Variants in ZP3 observed in about 807,000 individuals in gnomAD.
The protein encoded by ZP3 is zona pellucida sperm-binding protein 3.
ZP3 carries 21 observed loss-of-function variants against 35.6 expected under a neutral mutation model. The ratio of observed to expected loss-of-function variants is 0.59; its 90% CI spans 0.42 to 0.85. The LOEUF is 0.85. Among genes scored for constraint, ZP3 ranks in the 40% least tolerant of loss-of-function variants. The probability of loss-of-function intolerance (pLI) is 0.00; values close to 1 mark genes in which losing one functional copy is unlikely to be tolerated. For missense variants in ZP3, 437 were observed against 536.5 expected (o/e 0.81, Z 1.83); for synonymous variants, 207 against 214.5 (o/e 0.96, Z 0.31).
intron 1 of ZP3, among the ~76,000 whole-genome samples, chr7:76,405,274 TATATATATATATATATATATATA>T (rs1804964765): frequency 9.4e-4 from 20 of 21,248 alleles, no homozygotes; most frequent in Non-Finnish European, 1.4e-3. Flanking sequence ...CAGCTAATTA[TATATATATATATATATATATATA>T]TATATATATA....
At chr7:76,416,906 GTATACATACATATA>G (rs1190578287) in intron 1 of ZP3, among the ~76,000 whole-genome samples, 137 of 114,930 alleles carry the variant, frequency 1.2e-3, no homozygotes, top group African/African-American at 4.6e-3. Flanking sequence ...ACATACATAT[GTATACATACATATA>G]TATACACATA....
At chr7:76,438,538 G>GGAAAAAAA (rs1554626485) in intron 5 of ZP3, among the ~76,000 whole-genome samples, 290 of 88,452 alleles carry the variant, frequency 3.3e-3, no homozygotes, top group African/African-American at 0.012. Flanking sequence ...CTCCGTCTCA[G>GGAAAAAAA]AAAAAAAAAA....
At chr7:76,398,917 CAA>C (rs941225865) in intron 1 of ZP3, 3 of 954,508 alleles carry the variant, frequency 3.1e-6, no homozygotes, top group East Asian at 5.0e-5. Flanking sequence ...TCTGGCCACA[CAA>C]AGAGTCACAG....
chr7:76,419,529 G>A (rs1239685697), intron 1 of ZP3, among the ~76,000 whole-genome samples: 1 of 152,070 alleles, frequency 6.6e-6, no homozygotes, highest in African/African-American at 2.4e-5. Flanking sequence ...TAACAGCAAT[G>A]TGTCTTAATT....
chr7:76,432,420 A>G (rs1264368232), intron 2 of ZP3, among the ~76,000 whole-genome samples: 2 of 152,016 alleles, frequency 1.3e-5, no homozygotes, highest in African/African-American at 4.8e-5. Flanking sequence ...TCCTGACCTC[A>G]TGATCCGCCC....
intron 2 of ZP3, among the ~76,000 whole-genome samples, chr7:76,431,170 C>G (rs1396403451): frequency 1.6e-4 from 25 of 152,148 alleles, no homozygotes; most frequent in Admixed American, 1.6e-3. Flanking sequence ...ACCGTAGAGG[C>G]TGACTCGCAG....
At chr7:76,407,821 C>T (rs930752434) in intron 1 of ZP3, among the ~76,000 whole-genome samples, 4 of 152,214 alleles carry the variant, frequency 2.6e-5, no homozygotes, top group African/African-American at 9.6e-5. Flanking sequence ...AGAAGCCTCT[C>T]TCACGTCCCC....
intron 1 of ZP3, among the ~76,000 whole-genome samples, chr7:76,416,837 T>C (rs1805381897): frequency 1.3e-5 from 2 of 150,380 alleles, no homozygotes; most frequent in Admixed American, 6.7e-5. Context: ...TACATATACA[T>C]ACATATATAC....
At chr7:76,402,238 G>C (rs1162122727) in intron 1 of ZP3, among the ~76,000 whole-genome samples, 2 of 148,128 alleles carry the variant, frequency 1.4e-5, no homozygotes, top group Non-Finnish European at 3.0e-5. Context: ...GGAGCACAGT[G>C]GCATGATCTC....
chr7:76,433,356 C>T (rs553938821), intron 3 of ZP3, 114 bp from the exon 4 acceptor site: 27 of 1,184,652 alleles, frequency 2.3e-5, no homozygotes, highest in Admixed American at 2.2e-4. Flanking sequence ...GGTTTTGCCA[C>T]GTTGGCTAGG....
At chr7:76,418,893 T>C (rs1336148785) in intron 1 of ZP3, among the ~76,000 whole-genome samples, 2 of 152,094 alleles carry the variant, frequency 1.3e-5, no homozygotes, top group Non-Finnish European at 2.9e-5. Flanking sequence ...CATCTTTGCA[T>C]TGGAGTTATT....
chr7:76,430,233 T>C lies in ZP3; in HGVS notation c.431+600T>C, dbSNP rs1805788507. ...GCAAAAAATAATAATAAAATAGTGC[T>C]AGGCTGCGTTCTAGAATCTGACCTG... On this transcript the variant is annotated intron_variant, in intron 2 of 7. Transcript: ENST00000394857. Among the ~76,000 whole-genome samples, 2 of 152,118 alleles carry C rather than the reference T, an allele frequency of 1.3e-5. 1 individual carries two copies. The highest frequency in any genetic ancestry group is 4.8e-5 in the African/African-American group (2 of 41,444).
chr7:76,437,659 GTA>G (rs1563704396), intron 5 of ZP3, among the ~76,000 whole-genome samples: 2 of 98,092 alleles, frequency 2.0e-5, no homozygotes, highest in African/African-American at 4.2e-5. Context: ...GCTAATTTCT[GTA>G]TTTTTTTTTT....
chr7:76,426,379 G>A (rs1160030583), intron 1 of ZP3, among the ~76,000 whole-genome samples: 1 of 152,198 alleles, frequency 6.6e-6, no homozygotes, highest in African/African-American at 2.4e-5. Context: ...TGGAGGGCCT[G>A]TCCTCTCCCG....
upstream of ZP3, among the ~76,000 whole-genome samples, chr7:76,421,893 TTTG>T (rs141839679): frequency 0.1 from 15,389 of 151,814 alleles, 880 homozygotes; most frequent in Middle Eastern, 0.18. Flanking sequence ...GCAGTAGACT[TTTG>T]TTGTTGTTGT....
chr7:76,421,007 C>T (rs1384039100), upstream of ZP3, among the ~76,000 whole-genome samples: 2 of 151,608 alleles, frequency 1.3e-5, no homozygotes. Flanking sequence ...ACAATCTCAG[C>T]TCACTGCAAC....
intron 5 of ZP3, among the ~76,000 whole-genome samples, chr7:76,436,560 C>A (rs1251394436): frequency 2.0e-5 from 3 of 152,180 alleles, no homozygotes; most frequent in Admixed American, 6.5e-5. Flanking sequence ...CAGCAGCTGC[C>A]TTGTGGGAAG....
At chr7:76,418,746 C>T (rs1454164381) in intron 1 of ZP3, among the ~76,000 whole-genome samples, 1 of 151,770 alleles carries the variant, frequency 6.6e-6, no homozygotes. Flanking sequence ...GTCCCAGCTA[C>T]TTGGGAAGCT....
chr7:76,434,051 G>A lies in ZP3; in HGVS notation c.727G>A (p.Gly243Ser), dbSNP rs147549399. 3,954 of 1,399,812 alleles carry A rather than the reference G, an allele frequency of 2.8e-3. 434 individuals are homozygous for A. The highest frequency in any genetic ancestry group is 8.0e-3 in the Middle Eastern group (39 of 4,882). 86.7% of individuals were successfully genotyped at this position (1,399,812 alleles called of 1,614,324 possible). Residue 243 changes from glycine (G) to serine (S), a missense_variant, in exon 5 of 8, where the codon GGT (glycine) becomes AGT (serine). Coordinates refer to ENST00000394857, the MANE Select transcript of ZP3 (RefSeq NM_001110354.2). ...IVDFHGCLVD[G>S]LTDASSAFKV... ...TTTTCTTCCAAGCTGTCTTGTCGAC[G>A]GTCTCACTGATGCCTCTTCTGCATT...
Sources: gnomAD v4.1 joint callset for allele counts (sites outside exome capture counted in the v4.1 genomes callset) on GRCh38, gnomAD v4.1.1 for gene constraint, MANE v1.5 for transcripts, NCBI Gene and HGNC (gene_info 2026-07-23, HGNC 2026-07-21) for gene names.